The following FBXW8 variants were observed in gnomAD, a reference collection of about 807,000 sequenced individuals.
The protein encoded by FBXW8 is F-box and WD repeat domain containing 8, also known as F-box/WD repeat-containing protein 8.
FBXW8 carries 57 observed loss-of-function variants against 65.3 expected under a neutral mutation model. That is an observed-to-expected ratio of 0.87 (90% CI 0.71 to 1.09). The LOEUF (loss-of-function observed/expected upper bound fraction) is 1.09, where lower values mean the gene tolerates loss of function less well. Among genes scored for constraint, FBXW8 ranks in the 50% least tolerant of loss-of-function variants. FBXW8 has a pLI of 0.00. For synonymous variants in FBXW8, 308 were observed against 330.2 expected, an observed-to-expected ratio of 0.93 and a Z score of 0.73; for missense variants, 777 against 814.8, an observed-to-expected ratio of 0.95 and a Z score of 0.57.
chr12:116,949,570 G>A (rs373550067), intron 3 of FBXW8, 48 bp from the exon 4 acceptor site: 1 of 1,557,792 alleles, frequency 6.4e-7, no homozygotes, highest in Non-Finnish European at 8.9e-7. Flanking sequence ...TTGGCTTTCG[G>A]GCTGTCCCGA....
intron 6 of FBXW8, 46 bp from the exon 7 acceptor site, chr12:116,988,617 A>C (rs1396447253): frequency 6.4e-7 from 1 of 1,568,620 alleles, no homozygotes. Context: ...TTTTTGATCA[A>C]GTCAGGATGA....
intron 3 of FBXW8, 141 bp downstream of exon 3, chr12:116,945,669 A>G (rs1882885465): frequency 2.8e-6 from 2 of 723,134 alleles, no homozygotes; most frequent in East Asian, 2.9e-5. Context: ...GCTGTTGGTG[A>G]CTTGTTGCCC....
At position 117,030,209 on chromosome 12, in the gene FBXW8, C is replaced by A. The variant is rs1565951569; in HGVS notation, c.*2037C>A. 2 of 152,208 alleles carry A rather than the reference C, an allele frequency of 1.3e-5. No homozygotes were observed. Among genetic ancestry groups the A allele is most frequent in the Admixed American group, 6.5e-5 (1 of 15,284 alleles). The allele number at this position is 152,208 out of a possible 1,614,324, so 9.4% of individuals were successfully genotyped here. On this transcript the variant is annotated 3_prime_UTR_variant, in exon 11 of 11. Coordinates refer to ENST00000652555, the MANE Select transcript of FBXW8 (RefSeq NM_153348.3). ...CATTCCATATTCATCTCCAACTACA[C>A]AGGGGAACGGAGCAGATAGAGCTGC...
chr12:116,928,819 CT>C (rs1169226705), intron 2 of FBXW8, among the ~76,000 whole-genome samples: 1 of 151,300 alleles, frequency 6.6e-6, no homozygotes, highest in Admixed American at 6.6e-5. Context: ...AGTCAACTTT[CT>C]TTTTTTTTGA....
At chr12:116,960,225 A>G (rs1244393245) in intron 4 of FBXW8, among the ~76,000 whole-genome samples, 1 of 152,176 alleles carries the variant, frequency 6.6e-6, no homozygotes, top group Non-Finnish European at 1.5e-5. Flanking sequence ...CTCTGCCCCA[A>G]CCTGTGTTTT....
intron 4 of FBXW8, among the ~76,000 whole-genome samples, chr12:116,957,487 TGTTTCCAACA>T (rs1437121826): frequency 6.6e-6 from 1 of 152,234 alleles, no homozygotes; most frequent in Non-Finnish European, 1.5e-5. Flanking sequence ...TCAAGGATCG[TGTTTCCAACA>T]CTCGCTTAGT....
intron 8 of FBXW8, among the ~76,000 whole-genome samples, chr12:117,015,876 C>G (rs1371689959): frequency 6.6e-6 from 1 of 152,218 alleles, no homozygotes; most frequent in African/African-American, 2.4e-5. Flanking sequence ...AGCAACCACT[C>G]ATCTACTTTC....
At chr12:116,920,457 A>G (rs1005220954) in intron 1 of FBXW8, among the ~76,000 whole-genome samples, 13 of 152,246 alleles carry the variant, frequency 8.5e-5, no homozygotes, top group Non-Finnish European at 1.9e-4. Context: ...ATTCTGGGGA[A>G]GAGGGAGTTA....
intron 1 of FBXW8, among the ~76,000 whole-genome samples, chr12:116,925,183 G>A (rs987505321): frequency 6.6e-6 from 1 of 152,166 alleles, no homozygotes; most frequent in Non-Finnish European, 1.5e-5. Flanking sequence ...ACTGAGCAAG[G>A]GGGCCAGGCC....
chr12:116,946,424 A>G lies in FBXW8; in HGVS notation c.588+896A>G, dbSNP rs200419476. ...GGTTCTCAACCCCAGCACTAGTGAC[A>G]TTTGGGGCCAGCTAATTCGTTTTGT... is the stretch of plus-strand genomic sequence containing the variant. On this transcript the variant is annotated intron_variant, in intron 3 of 10. Coordinates refer to ENST00000652555, the MANE Select transcript of FBXW8 (RefSeq NM_153348.3). Among the ~76,000 whole-genome samples the G allele has an allele frequency of 2.0e-5, 3 of 152,146 alleles. No homozygotes were observed. In the East Asian group the frequency reaches 5.8e-4, roughly 29 times the overall value.
chr12:117,028,235 C>T lies in FBXW8; in HGVS notation c.*63C>T, dbSNP rs142018002. ...AGAACCAGTTTTATCCATCTTAAAA[C>T]GCCAGGCACCTCTTCACAGGTGGTA... On this transcript the variant is annotated 3_prime_UTR_variant, in exon 11 of 11. Transcript: ENST00000652555. This position sits in a 1 kb window ranked among gnomAD's most constrained non-coding sequence, Gnocchi z 4.1. 141 of 1,587,700 alleles carry T rather than the reference C, an allele frequency of 8.9e-5. No homozygotes were observed. Among genetic ancestry groups the T allele is most frequent in the East Asian group, 4.7e-4 (21 of 44,536 alleles).
intron 2 of FBXW8, among the ~76,000 whole-genome samples, chr12:116,933,309 G>A (rs1881914247): frequency 6.6e-6 from 1 of 152,234 alleles, no homozygotes; most frequent in Admixed American, 6.5e-5. Flanking sequence ...GCGAGCTGCT[G>A]TTTAAGAAAT....
chr12:117,007,024 A>G (rs1460824502), intron 7 of FBXW8, among the ~76,000 whole-genome samples: 1 of 152,246 alleles, frequency 6.6e-6, no homozygotes, highest in East Asian at 1.9e-4. Context: ...GTGCAGAAGA[A>G]AAGTCAAAGT....
intron 2 of FBXW8, among the ~76,000 whole-genome samples, chr12:116,940,116 G>C (rs879593562): frequency 6.6e-5 from 10 of 152,232 alleles, no homozygotes; most frequent in Non-Finnish European, 1.5e-4. Context: ...TGGGATGACA[G>C]TGTGGTTAAG....
At chr12:116,922,955 G>A (rs1054703403) in intron 1 of FBXW8, among the ~76,000 whole-genome samples, 1 of 152,094 alleles carries the variant, frequency 6.6e-6, no homozygotes, top group African/African-American at 2.4e-5. Flanking sequence ...GCTCATGCCT[G>A]TAATCCCAGC....
intron 4 of FBXW8, among the ~76,000 whole-genome samples, chr12:116,957,756 A>G (rs1237694606): frequency 1.3e-5 from 2 of 152,224 alleles, no homozygotes; most frequent in African/African-American, 2.4e-5. Context: ...ACTGTTTCCC[A>G]TAAGGAACTC....
intron 7 of FBXW8, among the ~76,000 whole-genome samples, chr12:117,000,961 T>C (rs1023871289): frequency 3.9e-4 from 60 of 152,208 alleles, no homozygotes; most frequent in African/African-American, 1.4e-3. Flanking sequence ...TTGTTGCCCA[T>C]GTAATTTGGG....
intron 7 of FBXW8, among the ~76,000 whole-genome samples, chr12:117,004,492 G>T (rs1045905918): frequency 2.0e-5 from 3 of 152,188 alleles, no homozygotes; most frequent in Non-Finnish European, 4.4e-5. Context: ...TTCTGCCAAG[G>T]TACTGGGAGG....
chr12:117,028,287 G>A lies in FBXW8; in HGVS notation c.*115G>A, dbSNP rs532041243. 214 of 1,323,696 alleles carry A rather than the reference G, an allele frequency of 1.6e-4. 2 individuals are homozygous for A. In the East Asian group the frequency reaches 5.2e-3, roughly 32 times the overall value. 82.0% of individuals were successfully genotyped at this position (1,323,696 alleles called of 1,614,324 possible). On this transcript the variant is annotated 3_prime_UTR_variant, in exon 11 of 11. Coordinates refer to ENST00000652555, the MANE Select transcript of FBXW8 (RefSeq NM_153348.3). The surrounding 1 kb of genome is among the most constrained non-coding windows in gnomAD (Gnocchi z 4.1). Reference sequence around the variant, plus strand: ...ACATTTAGGGGAAGAAAGCAGCCCAGGGTGCCATGCCTGACAGCACGCATC... The same window carrying A: ...ACATTTAGGGGAAGAAAGCAGCCCAAGGTGCCATGCCTGACAGCACGCATC...
Sources: gnomAD v4.1 joint callset for allele counts (sites outside exome capture counted in the v4.1 genomes callset) on GRCh38, gnomAD v4.1.1 for gene constraint, Gnocchi (gnomAD v3.1) non-coding constraint, MANE v1.5 for transcripts, NCBI Gene and HGNC (gene_info 2026-07-23, HGNC 2026-07-21) for gene names.